Variants in MIS18BP1 observed in about 807,000 individuals in gnomAD.
MIS18BP1 encodes the protein mis18-binding protein 1.
In MIS18BP1, 72 loss-of-function variants were observed where a neutral mutation model predicts 116.1. The observed-to-expected ratio is 0.62, with a 90% CI of 0.51 to 0.75. MIS18BP1 has a LOEUF of 0.75. MIS18BP1 is among the 30% of genes least tolerant of loss of function. The probability of loss-of-function intolerance (pLI) is 0.00; values close to 1 mark genes in which losing one functional copy is unlikely to be tolerated. For synonymous variants in MIS18BP1, 386 were observed against 427.0 expected (o/e 0.90, Z 1.18); for missense variants, 1,363 against 1,303.2 (o/e 1.05, Z -0.71).
intron 4 of MIS18BP1, among the ~76,000 whole-genome samples, chr14:45,238,412 T>C (rs1425808091): frequency 1.3e-5 from 2 of 152,232 alleles, no homozygotes; most frequent in Non-Finnish European, 2.9e-5. Context: ...TTACTTTATA[T>C]GTAAAGTTAC....
At chr14:45,250,305 T>A (rs1891834288) in intron 1 of MIS18BP1, among the ~76,000 whole-genome samples, 1 of 152,170 alleles carries the variant, frequency 6.6e-6, no homozygotes, top group Admixed American at 6.5e-5. Flanking sequence ...CGTCTACAAT[T>A]TCCTCTGACC....
intron 1 of MIS18BP1, among the ~76,000 whole-genome samples, chr14:45,251,994 T>C (rs1891887288): frequency 6.6e-6 from 1 of 152,230 alleles, no homozygotes; most frequent in African/African-American, 2.4e-5. Flanking sequence ...AATATTTACA[T>C]GCCAGCCACT....
At chr14:45,238,229 T>C (rs1891479821) in intron 4 of MIS18BP1, among the ~76,000 whole-genome samples, 1 of 151,780 alleles carries the variant, frequency 6.6e-6, no homozygotes. Flanking sequence ...AACATCTGAA[T>C]AGCTCAGAGA....
intron 10 of MIS18BP1, 55 bp from the exon 11 acceptor site, chr14:45,224,801 A>G: frequency 1.6e-6 from 2 of 1,218,732 alleles, no homozygotes; most frequent in Non-Finnish European, 2.3e-6. Flanking sequence ...GCTATAAACA[A>G]ATATAAGCAC....
chr14:45,219,692 A>T (rs1288542618), intron 11 of MIS18BP1, among the ~76,000 whole-genome samples: 1 of 152,200 alleles, frequency 6.6e-6, no homozygotes, highest in Non-Finnish European at 1.5e-5. Flanking sequence ...AAAGCATAAT[A>T]CTTATGAGCA....
chr14:45,247,629 G>A (rs1891758017), intron 1 of MIS18BP1, among the ~76,000 whole-genome samples: 1 of 152,044 alleles, frequency 6.6e-6, no homozygotes, highest in African/African-American at 2.4e-5. Flanking sequence ...GAGCCTGGGA[G>A]GTCAAGGCCA....
chr14:45,241,865 C>A lies in MIS18BP1; in HGVS notation c.1143+169G>T, dbSNP rs1190556313. On this transcript the variant is annotated intron_variant, in intron 4 of 16. Transcript: ENST00000310806. ...TCACTGTTCTTTTCACTATGTCACA[C>A]TGTCACTGCAGTAAATAATAAAACA... The A allele has an allele frequency of 2.6e-5, 18 of 704,566 alleles. No individual in the cohort carries two copies. The East Asian group carries it at 4.5e-4, about 18-fold the overall frequency. 43.6% of individuals were successfully genotyped at this position (704,566 alleles called of 1,614,324 possible).
intron 1 of MIS18BP1, 99 bp downstream of exon 1, chr14:45,252,932 AAAAT>A (rs1322609585): frequency 3.3e-5 from 5 of 152,296 alleles, no homozygotes; most frequent in Admixed American, 6.5e-5. Context: ...ATCTACAAAA[AAAAT>A]AAATAAAACC....
intron 8 of MIS18BP1, 54 bp downstream of exon 8, chr14:45,231,087 G>A (rs1594516585): frequency 6.4e-7 from 1 of 1,555,724 alleles, no homozygotes; most frequent in African/African-American, 1.4e-5. Context: ...AAACAATGTA[G>A]ACCATGTAAG....
Position 45,229,114 on chromosome 14 carries a change from CT to C in MIS18BP1, c.1595-1301del, listed in dbSNP as rs374462488. The stretch of plus-strand genomic sequence containing the variant: ...TAACAGAATATATTAATATTTGCCC[CT>C]AAACCAAGATCCCTGGGGGTGGGGG... On this transcript the variant is annotated intron_variant, in intron 8 of 16. Transcript: ENST00000310806. 3.2e-4 allele frequency among the ~76,000 whole-genome samples: 49 copies of C among 151,004 alleles called. No homozygotes were observed. The East Asian group carries it at 7.4e-3, about 23-fold the overall frequency.
intron 6 of MIS18BP1, among the ~76,000 whole-genome samples, 171 bp from the exon 7 acceptor site, chr14:45,232,991 C>G (rs1891330819): frequency 6.6e-6 from 1 of 152,136 alleles, no homozygotes; most frequent in Admixed American, 6.6e-5. Context: ...AAACTCCTAT[C>G]CTCATGGAAC....
intron 13 of MIS18BP1, among the ~76,000 whole-genome samples, chr14:45,215,709 C>CTT (rs1487871655): frequency 1.5e-5 from 2 of 136,736 alleles, no homozygotes; most frequent in Non-Finnish European, 3.2e-5. Flanking sequence ...CTGCACCCGG[C>CTT]TTTTTTTTTT....
chr14:45,218,032 T>C (rs1224362765), intron 12 of MIS18BP1, among the ~76,000 whole-genome samples: 2 of 152,162 alleles, frequency 1.3e-5, no homozygotes, highest in Non-Finnish European at 2.9e-5. Flanking sequence ...AATTCAGATA[T>C]TGAAATCTCT....
rs934270570 is a variant in MIS18BP1 at position 45,236,285 on chromosome 14, T to C, written c.1218-341A>G. ...CCAAAGAATGATCTCCCTGTTCCTC[T>C]CCTTCAGGGTCTATACTGTGTTAGC... On this transcript the variant is annotated intron_variant, in intron 5 of 16. Transcript: ENST00000310806. Among the ~76,000 whole-genome samples the C allele has an allele frequency of 1.6e-4, 24 of 152,314 alleles. 1 individual carries two copies. Among genetic ancestry groups the C allele is most frequent in the African/African-American group, 5.5e-4 (23 of 41,584 alleles).
intron 13 of MIS18BP1, among the ~76,000 whole-genome samples, chr14:45,211,090 CAT>C (rs1890661823): frequency 6.6e-6 from 1 of 152,194 alleles, no homozygotes; most frequent in Non-Finnish European, 1.5e-5. Flanking sequence ...AGATAAACTA[CAT>C]GTGTTTCCAT....
intron 12 of MIS18BP1, among the ~76,000 whole-genome samples, chr14:45,217,723 A>G (rs1004811223): frequency 6.6e-6 from 1 of 151,966 alleles, no homozygotes; most frequent in African/African-American, 2.4e-5. Flanking sequence ...GGCATGAGCC[A>G]CCGTGCCTGG....
In MIS18BP1 at chr14:45,235,840, A is replaced by G; in HGVS notation, c.1322T>C (p.Ile441Thr). 4.4e-6 allele frequency: 7 copies of G among 1,607,764 alleles called. No homozygotes were observed. Among genetic ancestry groups the G allele is most frequent in the Non-Finnish European group, 5.9e-6 (7 of 1,177,990 alleles). Residue 441 changes from isoleucine (I) to threonine (T), a missense_variant, in exon 6 of 17, where the codon ATA becomes ACA. Ile to Thr is a moderately conservative substitution (Grantham distance 89). Transcript: ENST00000310806. ...TGCTTCTTTCATGGAAATTTGGTCT[A>G]TCATGCCTTTTAATATATAAACGTT... ...SGNVYILKGM[I>T]DQISMKEAGY...
chr14:45,205,063 G>A (rs994047750), intron 15 of MIS18BP1, among the ~76,000 whole-genome samples: 1 of 152,060 alleles, frequency 6.6e-6, no homozygotes, highest in Non-Finnish European at 1.5e-5. Flanking sequence ...ATTGGCCATG[G>A]CTGGCAATCC....
At chr14:45,216,738 T>A (rs1214400456) in intron 13 of MIS18BP1, among the ~76,000 whole-genome samples, 1 of 152,224 alleles carries the variant, frequency 6.6e-6, no homozygotes, top group Non-Finnish European at 1.5e-5. Context: ...AAAAGTTTGC[T>A]AGGTAGTATA....
Sources: gnomAD v4.1 joint callset for allele counts (sites outside exome capture counted in the v4.1 genomes callset) on GRCh38, gnomAD v4.1.1 for gene constraint, MANE v1.5 for transcripts, NCBI Gene and HGNC (gene_info 2026-07-23, HGNC 2026-07-21) for gene names.